The following TNR variants were observed in gnomAD, a reference collection of about 807,000 sequenced individuals.
TNR encodes tenascin-R.
In TNR, 45 loss-of-function variants were observed where a neutral mutation model predicts 150.4. The observed-to-expected ratio is 0.30, with a 90% confidence interval of 0.24 to 0.38. The LOEUF (loss-of-function observed/expected upper bound fraction) is 0.38. Among genes scored for constraint, TNR ranks in the 10% least tolerant of loss-of-function variants. The pLI, the probability that TNR is intolerant of heterozygous loss-of-function variation, is 1.00. For synonymous variants in TNR, 687 were observed against 678.4 expected (o/e 1.01, Z -0.20); for missense variants, 1,544 against 1,759.1 (o/e 0.88, Z 2.19).
intron 1 of TNR, among the ~76,000 whole-genome samples, chr1:175,657,439 T>C (rs1025295584): frequency 6.6e-6 from 1 of 152,112 alleles, no homozygotes; most frequent in African/African-American, 2.4e-5. Flanking sequence ...CAAAGGATTA[T>C]AAATCATGCT....
At chr1:175,724,796 T>C (rs1362191887) in intron 1 of TNR, among the ~76,000 whole-genome samples, 1 of 152,118 alleles carries the variant, frequency 6.6e-6, no homozygotes, top group Non-Finnish European at 1.5e-5. Flanking sequence ...GATGGCTTCC[T>C]GAAGGAAGGG....
chr1:175,360,184 T>C (rs1040147983), intron 14 of TNR, among the ~76,000 whole-genome samples: 1 of 152,194 alleles, frequency 6.6e-6, no homozygotes, highest in Non-Finnish European at 1.5e-5. Flanking sequence ...GAAAGATCTC[T>C]GTTGAAGAGC....
At chr1:175,625,509 C>T (rs1664123843) in intron 1 of TNR, among the ~76,000 whole-genome samples, 1 of 152,214 alleles carries the variant, frequency 6.6e-6, no homozygotes, top group Non-Finnish European at 1.5e-5. Flanking sequence ...TAGCGGAATT[C>T]CCAGAGGCCT....
chr1:175,322,652 C>G lies in TNR; in HGVS notation c.*705G>C, dbSNP rs1334563701. 1 of 152,334 alleles carries G rather than the reference C, an allele frequency of 6.6e-6. No homozygotes were observed. The highest frequency in any genetic ancestry group is 1.5e-5 in the Non-Finnish European group (1 of 68,168). 9.4% of individuals were successfully genotyped at this position (152,334 alleles called of 1,614,324 possible). On this transcript the variant is annotated 3_prime_UTR_variant, in exon 23 of 23. Coordinates refer to ENST00000367674, the MANE Select transcript of TNR (RefSeq NM_003285.3). ...GAAAAATCAGCCAGGTATGGTGGCT[C>G]ATGCCTGTAGTCCCAGCTACTCAAG...
chr1:175,481,943 T>G (rs1453954678), intron 2 of TNR, among the ~76,000 whole-genome samples: 1 of 152,178 alleles, frequency 6.6e-6, no homozygotes, highest in Non-Finnish European at 1.5e-5. Context: ...CCCAACTGAA[T>G]AGTGTCTAAG....
intron 2 of TNR, among the ~76,000 whole-genome samples, chr1:175,425,793 A>G (rs569929010): frequency 6.6e-6 from 1 of 152,150 alleles, no homozygotes; most frequent in Non-Finnish European, 1.5e-5. Flanking sequence ...CATAGGGTCC[A>G]TCAGGCCCTT....
chr1:175,483,962 C>T (rs1657908628), intron 2 of TNR, among the ~76,000 whole-genome samples: 1 of 152,230 alleles, frequency 6.6e-6, no homozygotes, highest in African/African-American at 2.4e-5. Context: ...TACCCTAACC[C>T]TCACATCGTG....
At chr1:175,548,426 T>G (rs1010295466) in intron 1 of TNR, among the ~76,000 whole-genome samples, 3 of 152,020 alleles carry the variant, frequency 2.0e-5, no homozygotes, top group Non-Finnish European at 4.4e-5. Context: ...TTGCACACAT[T>G]TCATTGGTTT....
chr1:175,380,709 T>C (rs78067575), intron 8 of TNR, among the ~76,000 whole-genome samples: 2 of 152,180 alleles, frequency 1.3e-5, no homozygotes, highest in Admixed American at 1.3e-4. Context: ...CTGCTTTTTT[T>C]CTCCCAGGAC....
chr1:175,330,315 C>T, intron 20 of TNR, 80 bp from the exon 21 acceptor site: 1 of 1,419,974 alleles, frequency 7.0e-7, no homozygotes, highest in East Asian at 2.4e-5. Flanking sequence ...TCTGTGGCTT[C>T]AAAACATGTT....
At chr1:175,735,295 C>T (rs1667744028) in intron 1 of TNR, among the ~76,000 whole-genome samples, 1 of 152,168 alleles carries the variant, frequency 6.6e-6, no homozygotes, top group Non-Finnish European at 1.5e-5. Context: ...TCACAGCTGG[C>T]CAGTTGGGAG....
At chr1:175,545,018 C>T (rs796674761) in intron 1 of TNR, among the ~76,000 whole-genome samples, 11 of 152,272 alleles carry the variant, frequency 7.2e-5, no homozygotes, top group African/African-American at 2.2e-4. Flanking sequence ...TAAATGCAGA[C>T]GGTATGTGGA....
rs869230084 is a variant in TNR at position 175,378,305 on chromosome 1, CA to C, written c.1963+1246del. 6.3e-5 allele frequency among the ~76,000 whole-genome samples: 3 copies of C among 47,910 alleles called. No individual in the cohort carries two copies. In the East Asian group the frequency reaches 2.7e-3, roughly 44 times the overall value. 31.4% of individuals were successfully genotyped at this position (47,910 alleles called of 152,430 possible). A position where few individuals can be genotyped will look rare whatever the true frequency, so the allele number is the denominator to read the frequency against. ...AAGTCATAGTGAACTTCTGCAGCTTCATTCATTCATTCATTCATTCATTCAT... is the reference window on the plus strand; with the variant it reads ...AAGTCATAGTGAACTTCTGCAGCTTCTTCATTCATTCATTCATTCATTCAT... On this transcript the variant is annotated intron_variant, in intron 9 of 22. Coordinates refer to ENST00000367674, the MANE Select transcript of TNR (RefSeq NM_003285.3).
chr1:175,652,530 G>C (rs944185371), intron 1 of TNR, among the ~76,000 whole-genome samples: 23 of 152,200 alleles, frequency 1.5e-4, no homozygotes, highest in African/African-American at 5.6e-4. Context: ...ATTGGCAGAG[G>C]GGCCTGGTGG....
chr1:175,553,809 C>G (rs1385302833), intron 1 of TNR, among the ~76,000 whole-genome samples: 1 of 130,678 alleles, frequency 7.7e-6, no homozygotes, highest in Non-Finnish European at 1.6e-5. Flanking sequence ...TATGCATATA[C>G]AAGAACAAAC....
chr1:175,353,309 A>G (rs1197506630), intron 18 of TNR, among the ~76,000 whole-genome samples: 2 of 152,252 alleles, frequency 1.3e-5, no homozygotes, highest in Non-Finnish European at 2.9e-5. Flanking sequence ...ATGATAGTGC[A>G]TACCACATAG....
intron 2 of TNR, among the ~76,000 whole-genome samples, chr1:175,527,749 T>C (rs545991505): frequency 1.3e-5 from 2 of 152,314 alleles, no homozygotes; most frequent in South Asian, 4.1e-4. Context: ...ATATATGTGG[T>C]ATGAAAAAGG....
rs763171096 is a variant in TNR, at chr1:175,406,253, C to A, written c.462G>T (p.Gln154His). ...LEREVSVLRD[Q>H]CNANCCQESA... ...TTTCTTGGCAGCAGTTGGCGTTGCA[C>A]TGGTCTCGCAGCACCGACACCTCCC... is the stretch of plus-strand genomic sequence containing the variant. The change falls in exon 3 of 23, where the codon CAG (glutamine) becomes CAT (histidine). Residue 154 changes from glutamine to histidine, a missense_variant. Gln to His is a conservative substitution (Grantham distance 24). Transcript: ENST00000367674. 1.2e-6 allele frequency: 2 copies of A among 1,614,174 alleles called. No individual in the cohort carries two copies. The highest frequency in any genetic ancestry group is 8.5e-7 in the Non-Finnish European group (1 of 1,180,022).
intron 1 of TNR, among the ~76,000 whole-genome samples, chr1:175,633,208 G>A (rs1207557862): frequency 2.0e-5 from 3 of 152,160 alleles, no homozygotes; most frequent in African/African-American, 7.2e-5. Context: ...ATTATCATCT[G>A]TGGGGTCTTT....
Sources: gnomAD v4.1 joint callset for allele counts (sites outside exome capture counted in the v4.1 genomes callset) on GRCh38, gnomAD v4.1.1 for gene constraint, MANE v1.5 for transcripts, NCBI Gene and HGNC (gene_info 2026-07-23, HGNC 2026-07-21) for gene names.